Variants in CREBRF observed in about 807,000 individuals in gnomAD.
The protein encoded by CREBRF is UPF0474 protein C5orf41.
A neutral mutation model predicts 66.1 loss-of-function variants in CREBRF; 5 were observed. The observed-to-expected ratio is 0.08, with a 90% CI of 0.04 to 0.16. The LOEUF (loss-of-function observed/expected upper bound fraction) is 0.16, where lower values mean the gene tolerates loss of function less well. CREBRF is among the 10% of genes least tolerant of loss of function. CREBRF has a pLI of 1.00. For synonymous variants in CREBRF, 229 were observed against 264.4 expected (o/e 0.87, Z 1.30); for missense variants, 531 against 744.9 (o/e 0.71, Z 3.34).
At position 173,087,927 on chromosome 5, in the gene CREBRF, G is replaced by A. The variant is rs186082389; in HGVS notation, c.135+1301G>A. On this transcript the variant is annotated intron_variant, in intron 3 of 8. Coordinates refer to ENST00000296953, the MANE Select transcript of CREBRF (RefSeq NM_153607.3). ...CAACCTCCGCCTCCCAGGCTCAAGCGATTCTCCTGCCTCAGCCTCCCGAGT... is the reference window on the plus strand; with the variant it reads ...CAACCTCCGCCTCCCAGGCTCAAGCAATTCTCCTGCCTCAGCCTCCCGAGT... Among the ~76,000 whole-genome samples the A allele has an allele frequency of 2.4e-3, 365 of 151,514 alleles. 1 individual carries two copies. The highest frequency in any genetic ancestry group is 8.0e-3 in the African/African-American group (329 of 41,332).
chr5:173,065,782 A>T (rs1757418807), intron 1 of CREBRF, among the ~76,000 whole-genome samples: 1 of 150,598 alleles, frequency 6.6e-6, no homozygotes, highest in South Asian at 2.1e-4. Context: ...AGCTGAGACT[A>T]CAGGTGTGTG....
At chr5:173,098,869 AT>A (rs1470654492) in intron 4 of CREBRF, among the ~76,000 whole-genome samples, 3 of 141,692 alleles carry the variant, frequency 2.1e-5, no homozygotes, top group Non-Finnish European at 3.1e-5. Flanking sequence ...GATAGTTGTT[AT>A]TTTTTTACTT....
chr5:173,076,832 G>A (rs1167897754), intron 1 of CREBRF, among the ~76,000 whole-genome samples: 1 of 151,624 alleles, frequency 6.6e-6, no homozygotes, highest in Non-Finnish European at 1.5e-5. Context: ...AAAGACAACA[G>A]AGAGAGGAAC....
rs144591315 is a variant in CREBRF at position 173,061,246 on chromosome 5, G to A, written c.-192+4767G>A. On this transcript the variant is annotated intron_variant, in intron 1 of 8. Transcript: ENST00000296953. ...CTCCCAACGTGCTGGGATTACAGGC[G>A]TGAACCACCACATCTGGCCCAGTCA... Among the ~76,000 whole-genome samples the A allele has an allele frequency of 5.1e-3, 777 of 152,310 alleles. 5 individuals carry two copies. The highest frequency in any genetic ancestry group is 0.019 in the South Asian group (94 of 4,828).
chr5:173,113,902 C>T (rs903147172), intron 7 of CREBRF, among the ~76,000 whole-genome samples: 5 of 152,122 alleles, frequency 3.3e-5, no homozygotes. Flanking sequence ...TTGTTTAAGC[C>T]TGGTGTTATA....
intron 2 of CREBRF, chr5:173,085,512 G>A (rs1758120823): frequency 3.6e-6 from 2 of 557,610 alleles, no homozygotes; most frequent in South Asian, 2.1e-5. Flanking sequence ...CGCCTCCCAG[G>A]TTCAAGCGAT....
At chr5:173,119,932 G>A (rs1676274154) in intron 7 of CREBRF, among the ~76,000 whole-genome samples, 1 of 152,096 alleles carries the variant, frequency 6.6e-6, no homozygotes, top group African/African-American at 2.4e-5. Flanking sequence ...ATATTTGGAT[G>A]TTAAGCCAAC....
rs192919770 is a variant in CREBRF, at chr5:173,135,053, G to T, written c.*1308G>T. 90 of 152,096 alleles carry T rather than the reference G, an allele frequency of 5.9e-4. 1 individual carries two copies. The highest frequency in any genetic ancestry group is 1.2e-3 in the Non-Finnish European group (79 of 67,832). The allele number at this position is 152,096 out of a possible 1,614,324, so 9.4% of individuals were successfully genotyped here. On this transcript the variant is annotated 3_prime_UTR_variant, in exon 9 of 9. Coordinates refer to ENST00000296953, the MANE Select transcript of CREBRF (RefSeq NM_153607.3). ...TATACTTCCACCAGACAACAAAATAGATTATTTTTATTGTATTATGTATAT... is the reference window on the plus strand; with the variant it reads ...TATACTTCCACCAGACAACAAAATATATTATTTTTATTGTATTATGTATAT...
intron 3 of CREBRF, among the ~76,000 whole-genome samples, chr5:173,087,624 A>T (rs1203177724): frequency 1.3e-5 from 2 of 149,796 alleles, no homozygotes; most frequent in Non-Finnish European, 3.0e-5. Context: ...TGAACCAGGG[A>T]GTCAGAGGTT....
At chr5:173,060,171 C>T (rs2879574) in intron 1 of CREBRF, 1 of 150,596 alleles carries the variant, frequency 6.6e-6, no homozygotes, top group Non-Finnish European at 1.5e-5. Flanking sequence ...GCTTTTAAAG[C>T]TTAATTTTCA....
Position 173,085,033 on chromosome 5 carries a change from C to G in CREBRF, c.10-1468C>G, listed in dbSNP as rs188770025. 5.0e-3 allele frequency among the ~76,000 whole-genome samples: 761 copies of G among 152,180 alleles called. 8 individuals are homozygous for G. The highest frequency in any genetic ancestry group is 7.2e-3 in the Non-Finnish European group (487 of 68,018). On this transcript the variant is annotated intron_variant, in intron 2 of 8. Transcript: ENST00000296953. ...TTTCGGCTTACTGCAGCCTCCACCT[C>G]CTGGGTTCAAGCGATTCTCCTGCCT... is the stretch of plus-strand genomic sequence containing the variant.
intron 4 of CREBRF, among the ~76,000 whole-genome samples, chr5:173,103,567 G>C (rs1163718016): frequency 6.6e-6 from 1 of 152,184 alleles, no homozygotes. Flanking sequence ...GTCCTTTTGT[G>C]ATGACTAGCT....
chr5:173,066,032 G>A (rs1309507877), intron 1 of CREBRF, among the ~76,000 whole-genome samples: 1 of 151,744 alleles, frequency 6.6e-6, no homozygotes, highest in Admixed American at 6.6e-5. Context: ...TGCCCAAGCT[G>A]GCCTCAAACT....
In CREBRF at chr5:173,090,675, A is replaced by G. The variant is rs1400009307; in HGVS notation, c.496A>G (p.Asn166Asp). 6.2e-7 allele frequency: 1 copy of G among 1,614,044 alleles called. No homozygotes were observed. The highest frequency in any genetic ancestry group is 1.3e-5 in the African/African-American group (1 of 74,916). ...YPDSLFSVKQ[N>D]PLPSSFPGKK... ...CGATTCACTTTTCAGTGTCAAACAA[A>G]ATCCCTTACCCTCTTCATTCCCTGG... is the stretch of plus-strand genomic sequence containing the variant. The change falls in exon 4 of 9, where the codon AAT (asparagine) becomes GAT (aspartate). Residue 166 changes from asparagine (N) to aspartate (D), a missense_variant. Around this residue, in one of 5 missense-constraint regions of CREBRF, gnomAD observed 133 missense variants for 215.6 expected, o/e 0.62. Transcript: ENST00000296953. This position sits in a 1 kb window ranked among gnomAD's most constrained non-coding sequence, Gnocchi z 4.5.
At chr5:173,116,984 G>A (rs1210902681) in intron 7 of CREBRF, among the ~76,000 whole-genome samples, 1 of 152,044 alleles carries the variant, frequency 6.6e-6, no homozygotes, top group Non-Finnish European at 1.5e-5. Context: ...TAATAACATT[G>A]AGCCTCTTTC....
intron 8 of CREBRF, among the ~76,000 whole-genome samples, chr5:173,132,686 AC>A (rs1258195006): frequency 7.9e-6 from 1 of 126,330 alleles, no homozygotes; most frequent in African/African-American, 3.0e-5. Flanking sequence ...CCCAACCTCC[AC>A]CCCCCGGGTT....
At chr5:173,127,714 T>C (rs1191014011) in intron 8 of CREBRF, among the ~76,000 whole-genome samples, 1 of 152,156 alleles carries the variant, frequency 6.6e-6, no homozygotes, top group Non-Finnish European at 1.5e-5. Context: ...CACCTCAGCC[T>C]CCCAAAGTGC....
chr5:173,082,302 C>T (rs1367569879), intron 2 of CREBRF, among the ~76,000 whole-genome samples: 5 of 151,494 alleles, frequency 3.3e-5, no homozygotes, highest in Non-Finnish European at 5.9e-5. Flanking sequence ...CGTGAGCCAC[C>T]GTGCCTGGCC....
chr5:173,060,892 C>G (rs251246), intron 1 of CREBRF, among the ~76,000 whole-genome samples: 73,444 of 152,022 alleles, frequency 0.48, 18,957 homozygotes, highest in Non-Finnish European at 0.58. Flanking sequence ...TTTACAAGGT[C>G]AGGCTGTGCC....
Sources: allele counts gnomAD v4.1 joint callset (sites outside exome capture counted in the v4.1 genomes callset), GRCh38; gene constraint gnomAD v4.1.1; regional missense constraint gnomAD v4.1.1; non-coding constraint Gnocchi (gnomAD v3.1); transcripts MANE v1.5; gene names NCBI Gene and HGNC (gene_info 2026-07-23, HGNC 2026-07-21).